The following RIMS2 variants were observed in gnomAD, a reference collection of about 807,000 sequenced individuals.
The protein encoded by RIMS2 is regulating synaptic membrane exocytosis protein 2.
In RIMS2, 59 loss-of-function variants were observed where a neutral mutation model predicts 174.4. The ratio of observed to expected loss-of-function variants is 0.34; its 90% CI spans 0.27 to 0.42. RIMS2 has a LOEUF of 0.42. Ranked by LOEUF, RIMS2 falls within the 10% of genes least tolerant of loss-of-function variation. RIMS2 has a pLI of 1.00. For synonymous variants in RIMS2, 606 were observed against 572.5 expected (o/e 1.06, Z -0.84); for missense variants, 1,620 against 1,666.3 (o/e 0.97, Z 0.48).
intron 1 of RIMS2, among the ~76,000 whole-genome samples, chr8:103,641,250 A>G (rs2096222741): frequency 6.6e-6 from 1 of 152,124 alleles, no homozygotes; most frequent in African/African-American, 2.4e-5. Context: ...TTTCTTATTG[A>G]TACATAATAG....
At chr8:103,812,685 A>G (rs1403459956) in intron 3 of RIMS2, among the ~76,000 whole-genome samples, 1 of 152,004 alleles carries the variant, frequency 6.6e-6, no homozygotes, top group Admixed American at 6.6e-5. Context: ...CCAGGCCCAA[A>G]TTACCTTTTT....
intron 19 of RIMS2, among the ~76,000 whole-genome samples, chr8:104,162,855 G>T (rs547059209): frequency 6.6e-6 from 1 of 152,220 alleles, no homozygotes; most frequent in African/African-American, 2.4e-5. Flanking sequence ...TAAGGTTTTT[G>T]AGCATCAGAG....
At chr8:104,097,241 C>T (rs74411411) in intron 19 of RIMS2, among the ~76,000 whole-genome samples, 3,337 of 152,174 alleles carry the variant, frequency 0.022, 126 homozygotes, top group African/African-American at 0.076. Context: ...ATAGGATCCA[C>T]GTGTAAACAC....
At chr8:103,557,931 A>G (rs1363397995) in intron 1 of RIMS2, among the ~76,000 whole-genome samples, 9 of 152,248 alleles carry the variant, frequency 5.9e-5, no homozygotes. Flanking sequence ...ACCTTGAGCA[A>G]GTTACATAAA....
At chr8:104,105,356 G>T (rs563733011) in intron 19 of RIMS2, among the ~76,000 whole-genome samples, 31 of 152,122 alleles carry the variant, frequency 2.0e-4, no homozygotes, top group African/African-American at 7.2e-4. Context: ...TTTGTTACTA[G>T]AAAGAACCTC....
intron 3 of RIMS2, among the ~76,000 whole-genome samples, chr8:103,817,111 C>A (rs1262765335): frequency 6.6e-6 from 1 of 151,992 alleles, no homozygotes; most frequent in African/African-American, 2.4e-5. Context: ...AGAAATTGAC[C>A]TTTCAAAGGT....
At chr8:103,550,211 G>A (rs1285927130) in intron 1 of RIMS2, among the ~76,000 whole-genome samples, 1 of 152,124 alleles carries the variant, frequency 6.6e-6, no homozygotes, top group East Asian at 1.9e-4. Context: ...TGGGAGTAAA[G>A]CACTCCTCAG....
chr8:103,630,597 A>G (rs199511214), intron 1 of RIMS2, among the ~76,000 whole-genome samples: 2 of 151,146 alleles, frequency 1.3e-5, no homozygotes, highest in South Asian at 2.1e-4. Context: ...AAAAAAAAAA[A>G]AAAAGAAACA....
At chr8:104,254,725 T>C (rs956194674), downstream of RIMS2, 2 of 152,202 alleles carry the variant, frequency 1.3e-5, no homozygotes, top group African/African-American at 4.8e-5. Flanking sequence ...AAATTTTTAA[T>C]TTAGTCATGG....
At chr8:103,607,201 T>C (rs1409490891) in intron 1 of RIMS2, among the ~76,000 whole-genome samples, 1 of 152,194 alleles carries the variant, frequency 6.6e-6, no homozygotes, top group Non-Finnish European at 1.5e-5. Context: ...GGCCTCGTGG[T>C]GACAAAATCT....
At chr8:103,738,324 G>A (rs529469608) in intron 2 of RIMS2, among the ~76,000 whole-genome samples, 1 of 152,260 alleles carries the variant, frequency 6.6e-6, no homozygotes, top group South Asian at 2.1e-4. Context: ...AAACTGGCTA[G>A]CCATATGTAG....
chr8:104,123,226 A>G (rs970675539), intron 19 of RIMS2, among the ~76,000 whole-genome samples: 2 of 152,150 alleles, frequency 1.3e-5, no homozygotes, highest in African/African-American at 4.8e-5. Context: ...CAGTATGTGT[A>G]TATTTTTATT....
At chr8:103,815,572 T>C (rs1162763417) in intron 3 of RIMS2, among the ~76,000 whole-genome samples, 1 of 152,188 alleles carries the variant, frequency 6.6e-6, no homozygotes, top group Non-Finnish European at 1.5e-5. Context: ...CTGGACTCAA[T>C]GTAAATATGG....
At chr8:103,657,543 G>C (rs987809102) in intron 1 of RIMS2, among the ~76,000 whole-genome samples, 1 of 152,164 alleles carries the variant, frequency 6.6e-6, no homozygotes, top group African/African-American at 2.4e-5. Context: ...CAAAAGAATA[G>C]TTACTGTAGC....
intron 17 of RIMS2, among the ~76,000 whole-genome samples, chr8:103,991,353 C>T (rs1230189258): frequency 6.6e-6 from 1 of 151,130 alleles, no homozygotes; most frequent in Admixed American, 6.6e-5. Flanking sequence ...AAATATAAAA[C>T]CATTTCTAAT....
intron 1 of RIMS2, among the ~76,000 whole-genome samples, chr8:103,691,195 C>G (rs762881008): frequency 3.7e-4 from 56 of 152,088 alleles, no homozygotes; most frequent in Non-Finnish European, 7.4e-4. Flanking sequence ...GCTTGATGTT[C>G]TGTAACTTGC....
intron 19 of RIMS2, among the ~76,000 whole-genome samples, chr8:104,020,673 A>C (rs1324338224): frequency 6.6e-6 from 1 of 152,038 alleles, no homozygotes; most frequent in African/African-American, 2.4e-5. Context: ...GATATTTTTC[A>C]ATCCAGAAAT....
chr8:103,561,750 G>A (rs2091627756), intron 1 of RIMS2, among the ~76,000 whole-genome samples: 1 of 152,108 alleles, frequency 6.6e-6, no homozygotes, highest in South Asian at 2.1e-4. Context: ...TTTTTCCCCT[G>A]CCTTTGTTTT....
intron 19 of RIMS2, among the ~76,000 whole-genome samples, chr8:104,135,061 A>G (rs914040317): frequency 1.3e-5 from 2 of 152,130 alleles, no homozygotes; most frequent in Non-Finnish European, 2.9e-5. Context: ...ATTTTCCATT[A>G]ATTTTTGAAA....
Sources: gnomAD v4.1 joint callset for allele counts (sites outside exome capture counted in the v4.1 genomes callset) on GRCh38, gnomAD v4.1.1 for gene constraint, MANE v1.5 for transcripts, NCBI Gene and HGNC (gene_info 2026-07-23, HGNC 2026-07-21) for gene names.